The following SIRT1 variants were observed in gnomAD, a reference collection of about 807,000 sequenced individuals.
SIRT1 encodes the protein NAD-dependent protein deacetylase sirtuin-1.
SIRT1 carries 24 observed loss-of-function variants against 67.9 expected under a neutral mutation model. That is an observed-to-expected ratio of 0.35 (90% CI 0.26 to 0.50). The LOEUF is 0.50. Among genes scored for constraint, SIRT1 ranks in the 20% least tolerant of loss-of-function variants. The pLI, the probability that SIRT1 is intolerant of heterozygous loss-of-function variation, is 0.98. For synonymous variants in SIRT1, 378 were observed against 350.7 expected (o/e 1.08, Z -0.87); for missense variants, 873 against 937.2 (o/e 0.93, Z 0.89).
chr10:67,897,448 A>C (rs766476661), intron 4 of SIRT1, among the ~76,000 whole-genome samples: 5 of 151,656 alleles, frequency 3.3e-5, no homozygotes, highest in African/African-American at 9.7e-5. Flanking sequence ...GCTCACTGCA[A>C]CCTCTGCTTC....
intron 4 of SIRT1, among the ~76,000 whole-genome samples, chr10:67,898,900 AAACTT>A (rs1842700356): frequency 6.6e-6 from 1 of 152,176 alleles, no homozygotes; most frequent in African/African-American, 2.4e-5. Flanking sequence ...TTAATATAAT[AAACTT>A]ACTTTCTGTG....
At chr10:67,909,138 T>G in intron 6 of SIRT1, 118 bp from the exon 7 acceptor site, 2 of 680,962 alleles carry the variant, frequency 2.9e-6, no homozygotes, top group Non-Finnish European at 4.7e-6. Context: ...AGCTTTTCTG[T>G]TTTGTTTTTT....
At chr10:67,906,565 T>C (rs1842823486) in intron 4 of SIRT1, among the ~76,000 whole-genome samples, 1 of 152,194 alleles carries the variant, frequency 6.6e-6, no homozygotes, top group African/African-American at 2.4e-5. Flanking sequence ...GCCGACTTTG[T>C]CTTTTTCTTC....
chr10:67,885,941 CTTT>C (rs766544980), intron 1 of SIRT1, among the ~76,000 whole-genome samples: 25 of 95,560 alleles, frequency 2.6e-4, no homozygotes, highest in Admixed American at 7.9e-4. Context: ...TTGAAGGTTT[CTTT>C]TTTTTTTTTT....
chr10:67,910,682 C>T (rs997852982), intron 7 of SIRT1, among the ~76,000 whole-genome samples: 4 of 152,104 alleles, frequency 2.6e-5, no homozygotes, highest in Non-Finnish European at 1.5e-5. Context: ...GTAGTAACAG[C>T]CATGCCATAA....
At chr10:67,895,376 G>A (rs1364015029) in intron 4 of SIRT1, among the ~76,000 whole-genome samples, 2 of 152,056 alleles carry the variant, frequency 1.3e-5, no homozygotes, top group Admixed American at 6.6e-5. Flanking sequence ...TGAGCCGAAA[G>A]CGCTTAAGGA....
Position 67,912,909 on chromosome 10 carries a change from C to A in SIRT1, c.1793C>A (p.Pro598Gln). ...VESIAEQMEN[P>Q]DLKNVGSSTG... ...AGTATTGCTGAACAGATGGAAAATC[C>A]GGATTTGAAGAATGTTGGTTCTAGT... is the stretch of plus-strand genomic sequence containing the variant. The change falls in exon 8 of 9, where the codon CCG becomes CAG. Residue 598 changes from proline (P) to glutamine (Q), a missense_variant. Physicochemically the swap from Pro to Gln is moderately conservative, Grantham distance 76. Coordinates refer to ENST00000212015, the MANE Select transcript of SIRT1 (RefSeq NM_012238.5). 1 of 1,614,010 alleles carries A rather than the reference C, an allele frequency of 6.2e-7. No individual in the cohort carries two copies.
Position 67,885,047 on chromosome 10 carries a change from G to T in SIRT1, c.326G>T (p.Gly109Val), listed in dbSNP as rs1278542503. Reference sequence around the variant, plus strand: ...GGAGACAATGGGCCGGGCCTGCAGGGCCCATCTCGGGAGCCACCGCTGGCC... The same window carrying T: ...GGAGACAATGGGCCGGGCCTGCAGGTCCCATCTCGGGAGCCACCGCTGGCC... Reference protein sequence around the residue: ...GEGDNGPGLQGPSREPPLADN... With the variant: ...GEGDNGPGLQVPSREPPLADN... Residue 109 changes from glycine (G) to valine (V), a missense_variant, in exon 1 of 9, where the codon GGC (glycine) becomes GTC (valine). Physicochemically the swap from Gly to Val is moderately radical, Grantham distance 109. This residue lies in a region of SIRT1 where 327 missense variants were observed against 283.9 expected (regional missense o/e 1.15). Coordinates refer to ENST00000212015, the MANE Select transcript of SIRT1 (RefSeq NM_012238.5). 1 of 1,425,268 alleles carries T rather than the reference G, an allele frequency of 7.0e-7. No homozygotes were observed. The highest frequency in any genetic ancestry group is 1.4e-5 in the South Asian group (1 of 69,718). The allele number at this position is 1,425,268 out of a possible 1,614,324, so 88.3% of individuals were successfully genotyped here.
rs1426968560 is a variant in SIRT1 at position 67,887,527 on chromosome 10, C to G, written c.541C>G (p.Arg181Gly). 6.3e-7 allele frequency: 1 copy of G among 1,596,342 alleles called. No individual in the cohort carries two copies. Among genetic ancestry groups the G allele is most frequent in the African/African-American group, 1.3e-5 (1 of 74,544 alleles). The change falls in exon 2 of 9, where the codon CGG becomes GGG. Residue 181 changes from arginine to glycine, a missense_variant. By Grantham distance (125) the Arg-to-Gly change is moderately radical (BLOSUM62 -2). This residue lies in a region of SIRT1 where 327 missense variants were observed against 283.9 expected (regional missense o/e 1.15). Transcript: ENST00000212015. ...CTCTAGTGACTGGACTCCAAGGCCA[C>G]GGATAGGTATGGCTCAGAGCTGTTA... ...ASSSDWTPRP[R>G]IGPYTFVQQH...
At chr10:67,903,192 T>G (rs998014390) in intron 4 of SIRT1, among the ~76,000 whole-genome samples, 1 of 152,120 alleles carries the variant, frequency 6.6e-6, no homozygotes, top group African/African-American at 2.4e-5. Context: ...ACTCCCAGAC[T>G]CAAGTGATTC....
At position 67,888,970 on chromosome 10, in the gene SIRT1, A is replaced by C; in HGVS notation, c.636A>C (p.Pro212=). ...ATTTATTGCCGGAAACAATACCTCC[A>C]CCTGAGTTGGATGATATGACACTGT... ...LKDLLPETIP[P]PELDDMTLWQ... Residue 212 remains proline, a synonymous_variant, in exon 3 of 9, where the codon CCA becomes CCC. Transcript: ENST00000212015. 6.2e-7 allele frequency: 1 copy of C among 1,613,976 alleles called. No homozygotes were observed. The highest frequency in any genetic ancestry group is 8.5e-7 in the Non-Finnish European group (1 of 1,179,954).
rs560367146 is a variant in SIRT1, at chr10:67,885,454, T to G, written c.430+303T>G. The G allele has an allele frequency of 2.3e-3, 2,662 of 1,148,246 alleles. 6 individuals carry two copies. The highest frequency in any genetic ancestry group is 3.3e-3 in the Middle Eastern group (10 of 2,986). The allele number at this position is 1,148,246 out of a possible 1,614,324, so 71.1% of individuals were successfully genotyped here. A position where few individuals can be genotyped will look rare whatever the true frequency, so the allele number is the denominator to read the frequency against. On this transcript the variant is annotated intron_variant, in intron 1 of 8. Coordinates refer to ENST00000212015, the MANE Select transcript of SIRT1 (RefSeq NM_012238.5). ...TAAGTTTCTCTCCCCCTCTTACTCT[T>G]TTAGCATATTGCTTTTGTTAGAGCT...
intron 1 of SIRT1, 31 bp from the exon 2 acceptor site, chr10:67,887,386 A>C: frequency 6.9e-7 from 1 of 1,445,274 alleles, no homozygotes; most frequent in South Asian, 1.1e-5. Flanking sequence ...TGTTGTTTTG[A>C]TAGCCTTGAC....
intron 4 of SIRT1, chr10:67,906,203 C>T (rs1024398678): frequency 8.2e-6 from 12 of 1,460,550 alleles, no homozygotes; most frequent in Non-Finnish European, 9.1e-6. Flanking sequence ...GAAAAACACA[C>T]ACACAAAATC....
intron 8 of SIRT1, among the ~76,000 whole-genome samples, chr10:67,913,315 G>A (rs758303459): frequency 1.3e-5 from 2 of 152,160 alleles, no homozygotes; most frequent in African/African-American, 2.4e-5. Flanking sequence ...AGTGCTTACT[G>A]TAGGTCAGCT....
intron 8 of SIRT1, among the ~76,000 whole-genome samples, chr10:67,913,851 A>G (rs749857703): frequency 3.3e-5 from 5 of 152,212 alleles, no homozygotes; most frequent in Non-Finnish European, 7.3e-5. Flanking sequence ...TGAGTATTCC[A>G]GTCATTTGCT....
At chr10:67,903,924 A>G (rs1842780859) in intron 4 of SIRT1, among the ~76,000 whole-genome samples, 5 of 148,902 alleles carry the variant, frequency 3.4e-5, no homozygotes. Context: ...GGATATTCAA[A>G]CTGGGTGGCC....
intron 4 of SIRT1, chr10:67,905,948 T>TTG (rs2131878753): frequency 3.9e-6 from 1 of 257,208 alleles, no homozygotes; most frequent in African/African-American, 2.2e-5. Context: ...TTTGCTAGCA[T>TTG]TGTGATAGAT....
chr10:67,906,763 A>T lies in SIRT1; in HGVS notation c.943-27A>T, dbSNP rs201946035. On this transcript the variant is annotated intron_variant, in intron 4 of 8. Transcript: ENST00000212015. Reference sequence around the variant, plus strand: ...TCTGTAGTTTATTTCACTAATGTAAATTTTTTCTACCATTTGCTTGATACA... The same window carrying T: ...TCTGTAGTTTATTTCACTAATGTAATTTTTTTCTACCATTTGCTTGATACA... 18 of 1,601,300 alleles carry T rather than the reference A, an allele frequency of 1.1e-5. No homozygotes were observed. The South Asian group carries it at 1.9e-4, about 17-fold the overall frequency.
Sources: gnomAD v4.1 joint callset for allele counts (sites outside exome capture counted in the v4.1 genomes callset) on GRCh38, gnomAD v4.1.1 for gene constraint, gnomAD v4.1.1 regional missense constraint, MANE v1.5 for transcripts, NCBI Gene and HGNC (gene_info 2026-07-23, HGNC 2026-07-21) for gene names.